ASIC2: variants seen among roughly 807,000 people sequenced by gnomAD.
ASIC2 encodes the protein acid-sensing ion channel 2.
Under a neutral mutation model 57.3 loss-of-function variants are expected in ASIC2, and 25 were observed. The ratio of observed to expected loss-of-function variants is 0.44; its 90% CI spans 0.32 to 0.61. The LOEUF (loss-of-function observed/expected upper bound fraction) is 0.61. Ranked by LOEUF, ASIC2 falls within the 20% of genes least tolerant of loss-of-function variation. ASIC2 has a pLI of 0.06. For synonymous variants in ASIC2, 319 were observed against 307.5 expected (o/e 1.04, Z -0.39); for missense variants, 641 against 738.1 (o/e 0.87, Z 1.52).
chr17:33,864,093 G>C (rs1023759951), intron 1 of ASIC2, among the ~76,000 whole-genome samples: 1 of 151,774 alleles, frequency 6.6e-6, no homozygotes, highest in Non-Finnish European at 1.5e-5. Context: ...AGTAGAGACT[G>C]AGTTTTTCCA....
chr17:33,110,222 G>T (rs768342489), intron 2 of ASIC2, among the ~76,000 whole-genome samples: 1 of 152,158 alleles, frequency 6.6e-6, no homozygotes, highest in Non-Finnish European at 1.5e-5. Context: ...ACACAGATTA[G>T]ATTAATCATA....
chr17:33,669,503 C>G (rs1186068954), intron 1 of ASIC2, among the ~76,000 whole-genome samples: 1 of 152,158 alleles, frequency 6.6e-6, no homozygotes, highest in Non-Finnish European at 1.5e-5. Flanking sequence ...TCCTCATTTC[C>G]TTCACCTTCA....
chr17:33,747,825 C>G (rs67141056), intron 1 of ASIC2, among the ~76,000 whole-genome samples: 63,731 of 152,124 alleles, frequency 0.42, 14,417 homozygotes, highest in Non-Finnish European at 0.52. Flanking sequence ...ACACTCCCCT[C>G]TGGTCTCTGA....
chr17:33,463,935 A>T (rs1295263187), intron 1 of ASIC2, among the ~76,000 whole-genome samples: 1 of 152,234 alleles, frequency 6.6e-6, no homozygotes, highest in Admixed American at 6.5e-5. Context: ...GGTTTGTAAC[A>T]TGAATGAATC....
chr17:33,015,043 C>T (rs1206734137), intron 9 of ASIC2, among the ~76,000 whole-genome samples: 1 of 152,232 alleles, frequency 6.6e-6, no homozygotes, highest in Admixed American at 6.5e-5. Flanking sequence ...CCACACTGCC[C>T]TCCCCTTCCC....
At chr17:34,006,927 T>C (rs987344747) in intron 1 of ASIC2, among the ~76,000 whole-genome samples, 4 of 152,290 alleles carry the variant, frequency 2.6e-5, no homozygotes, top group African/African-American at 9.6e-5. Flanking sequence ...TGATCTCTAC[T>C]TCTGGCAGCT....
At position 33,736,543 on chromosome 17, in the gene ASIC2, T is replaced by C. The variant is rs531355509; in HGVS notation, c.555+419435A>G. ...CTGTTTCCTGTGAGGCAGAAGATTG[T>C]AGTTGGCTCACTAGACCAGCTATGC... On this transcript the variant is annotated intron_variant, in intron 1 of 9. Transcript: ENST00000359872. Among the ~76,000 whole-genome samples the C allele has an allele frequency of 1.4e-4, 22 of 152,312 alleles. No individual in the cohort carries two copies. The South Asian group carries it at 1.7e-3, about 11-fold the overall frequency.
chr17:33,399,819 G>GC lies in ASIC2; in HGVS notation c.556-287753dup, dbSNP rs1250665254. On this transcript the variant is annotated intron_variant, in intron 1 of 9. Transcript: ENST00000359872. ...TGTGTGTGCACCATGGTAGTGGTGG[G>GC]CAGGACCACACCGTCTCTGGGTTCA... is the stretch of plus-strand genomic sequence containing the variant. Among the ~76,000 whole-genome samples, 5 of 152,286 alleles carry GC rather than the reference G, an allele frequency of 3.3e-5. No individual in the cohort carries two copies. The South Asian group carries it at 6.2e-4, about 19-fold the overall frequency.
chr17:33,656,885 C>T (rs1907093343), intron 1 of ASIC2, among the ~76,000 whole-genome samples: 2 of 152,188 alleles, frequency 1.3e-5, no homozygotes, highest in Admixed American at 1.3e-4. Context: ...AAGCAGAAGT[C>T]TTGTGAAGGT....
At chr17:33,472,181 A>C (rs1913075420) in intron 1 of ASIC2, among the ~76,000 whole-genome samples, 1 of 151,960 alleles carries the variant, frequency 6.6e-6, no homozygotes, top group South Asian at 2.1e-4. Flanking sequence ...CACCATGCCC[A>C]GCTAATTTCT....
At chr17:33,044,382 A>AT (rs1328128532) in intron 3 of ASIC2, among the ~76,000 whole-genome samples, 2 of 150,422 alleles carry the variant, frequency 1.3e-5, no homozygotes, top group African/African-American at 4.9e-5. Flanking sequence ...TTATTTTTTT[A>AT]TTTTTTTTGA....
intron 1 of ASIC2, among the ~76,000 whole-genome samples, chr17:33,652,040 ATCTG>A: frequency 6.6e-6 from 1 of 152,288 alleles, no homozygotes; most frequent in East Asian, 1.9e-4. Flanking sequence ...GAAGGGCCTC[ATCTG>A]TCTGCCCATC....
At chr17:33,186,114 A>G (rs1567777319) in intron 1 of ASIC2, among the ~76,000 whole-genome samples, 21 of 149,996 alleles carry the variant, frequency 1.4e-4, no homozygotes. Context: ...GTTCTACACC[A>G]TTTTTTTTTT....
chr17:33,925,044 C>G (rs1016038134), intron 1 of ASIC2, among the ~76,000 whole-genome samples: 1 of 152,180 alleles, frequency 6.6e-6, no homozygotes, highest in Non-Finnish European at 1.5e-5. Context: ...GCCAGTGTAC[C>G]CAGGGCTGGG....
intron 1 of ASIC2, chr17:34,003,314 G>A (rs1165764494): frequency 1.3e-5 from 2 of 152,134 alleles, no homozygotes; most frequent in African/African-American, 4.8e-5. Context: ...GATTTCACAG[G>A]ATTCTCATGA....
intron 1 of ASIC2, among the ~76,000 whole-genome samples, chr17:33,889,556 TA>T (rs11368261): frequency 0.17 from 25,320 of 151,826 alleles, 2,210 homozygotes; most frequent in African/African-American, 0.22. Flanking sequence ...CTCTCAGTTA[TA>T]AAAAAAAACT....
intron 1 of ASIC2, among the ~76,000 whole-genome samples, chr17:33,196,317 C>CGAT (rs142802377): frequency 1.9e-3 from 293 of 151,116 alleles, no homozygotes; most frequent in South Asian, 3.8e-3. Flanking sequence ...ATGATGATGA[C>CGAT]GATGATGATG....
At chr17:33,795,450 C>G (rs1567717728) in intron 1 of ASIC2, among the ~76,000 whole-genome samples, 1 of 152,260 alleles carries the variant, frequency 6.6e-6, no homozygotes, top group African/African-American at 2.4e-5. Context: ...GAGCATGCCC[C>G]TCCAACCTTG....
intron 1 of ASIC2, among the ~76,000 whole-genome samples, chr17:33,298,488 A>G (rs1387249522): frequency 1.3e-5 from 2 of 152,332 alleles, no homozygotes; most frequent in South Asian, 2.1e-4. Context: ...TTCTTAATCC[A>G]GTCTATCATT....
Sources: allele counts gnomAD v4.1 joint callset (sites outside exome capture counted in the v4.1 genomes callset), GRCh38; gene constraint gnomAD v4.1.1; transcripts MANE v1.5; gene names NCBI Gene and HGNC (gene_info 2026-07-23, HGNC 2026-07-21).